GLT1D1: variants seen among roughly 807,000 people sequenced by gnomAD.
The protein encoded by GLT1D1 is glycosyltransferase 1 domain-containing protein 1.
In GLT1D1, 21 loss-of-function variants were observed where a neutral mutation model predicts 28.7. That is an observed-to-expected ratio of 0.73 (90% CI 0.52 to 1.05). The LOEUF (loss-of-function observed/expected upper bound fraction) is 1.05. Among genes scored for constraint, GLT1D1 ranks in the 50% least tolerant of loss-of-function variants. GLT1D1 has a pLI of 0.00. For missense variants in GLT1D1, 343 were observed against 330.6 expected, an observed-to-expected ratio of 1.04 and a Z score of -0.29; for synonymous variants, 147 against 124.8, an observed-to-expected ratio of 1.18 and a Z score of -1.19.
chr12:128,960,498 C>T (rs1482937668), intron 7 of GLT1D1, among the ~76,000 whole-genome samples: 1 of 152,118 alleles, frequency 6.6e-6, no homozygotes. Flanking sequence ...TGGCTCGTGC[C>T]TGTAATCCCA....
At chr12:128,956,299 C>T (rs1460052528) in intron 6 of GLT1D1, among the ~76,000 whole-genome samples, 2 of 151,986 alleles carry the variant, frequency 1.3e-5, no homozygotes, top group African/African-American at 2.4e-5. Flanking sequence ...CATTTGCCTA[C>T]AGTTGGGCAA....
intron 1 of GLT1D1, among the ~76,000 whole-genome samples, chr12:128,869,737 T>C (rs756139966): frequency 4.6e-5 from 7 of 152,192 alleles, no homozygotes; most frequent in Non-Finnish European, 1.0e-4. Flanking sequence ...TATGGGGGCC[T>C]GACCCTGCAG....
intron 4 of GLT1D1, among the ~76,000 whole-genome samples, chr12:128,920,661 G>A (rs943143952): frequency 1.3e-5 from 2 of 152,166 alleles, no homozygotes; most frequent in Non-Finnish European, 2.9e-5. Context: ...TCCTGAGCCC[G>A]CTCATGACTC....
chr12:128,907,080 T>G lies in GLT1D1; in HGVS notation c.375+7793T>G, dbSNP rs914116182. 4.1e-5 allele frequency: 27 copies of G among 652,692 alleles called. 1 individual carries two copies. The Admixed American group carries it at 6.2e-4, about 15-fold the overall frequency. 40.4% of individuals were successfully genotyped at this position (652,692 alleles called of 1,614,324 possible). On this transcript the variant is annotated intron_variant, in intron 4 of 7. Transcript: ENST00000281703. ...TGAGCTACTTATTACTTCTCCCTCT[T>G]CCTGCATGGCCCCATTGCTTTATGT...
intron 4 of GLT1D1, among the ~76,000 whole-genome samples, chr12:128,937,684 A>G (rs1324026719): frequency 6.6e-6 from 1 of 152,022 alleles, no homozygotes; most frequent in Non-Finnish European, 1.5e-5. Context: ...CATGGGAGGT[A>G]GTTTAATCAT....
intron 4 of GLT1D1, among the ~76,000 whole-genome samples, chr12:128,905,837 T>C (rs1436873423): frequency 6.6e-6 from 1 of 151,802 alleles, no homozygotes; most frequent in African/African-American, 2.4e-5. Flanking sequence ...TGTTTTTTTT[T>C]TTTCTTTATT....
At chr12:128,929,244 T>C (rs750009555) in intron 4 of GLT1D1, among the ~76,000 whole-genome samples, 10 of 152,220 alleles carry the variant, frequency 6.6e-5, no homozygotes, top group South Asian at 2.1e-4. Flanking sequence ...CTCTGCTTTA[T>C]GGTATTTTGC....
At chr12:128,941,825 C>G (rs1875296089) in intron 4 of GLT1D1, among the ~76,000 whole-genome samples, 1 of 151,608 alleles carries the variant, frequency 6.6e-6, no homozygotes, top group Non-Finnish European at 1.5e-5. Flanking sequence ...ATGATCCCCC[C>G]TCCTCAGCCT....
At chr12:128,881,123 T>C (rs1235381415) in intron 2 of GLT1D1, among the ~76,000 whole-genome samples, 6 of 147,542 alleles carry the variant, frequency 4.1e-5, no homozygotes, top group South Asian at 2.2e-4. Flanking sequence ...ACTGGGGAGG[T>C]TGAGGAAGGC....
At chr12:128,873,496 G>A (rs1017951685) in intron 1 of GLT1D1, among the ~76,000 whole-genome samples, 22 of 152,162 alleles carry the variant, frequency 1.4e-4, no homozygotes, top group Admixed American at 1.2e-3. Flanking sequence ...CTGGGTGCAT[G>A]CTTTTGCACA....
chr12:128,961,269 A>C lies in GLT1D1; in HGVS notation c.639+3626A>C, dbSNP rs1053680094. Among the ~76,000 whole-genome samples, 5 of 152,344 alleles carry C rather than the reference A, an allele frequency of 3.3e-5. No individual in the cohort carries two copies. In the South Asian group the frequency reaches 8.3e-4, roughly 25 times the overall value. On this transcript the variant is annotated intron_variant, in intron 7 of 7. Transcript: ENST00000281703. ...GTTGTCTGCAAGCTGGAGATGCAGG[A>C]AAGCCAGTGGTGCAATTCAGTCCGA...
intron 4 of GLT1D1, among the ~76,000 whole-genome samples, chr12:128,914,156 T>A (rs1433593691): frequency 2.6e-5 from 4 of 152,194 alleles, no homozygotes; most frequent in African/African-American, 7.2e-5. Flanking sequence ...TAGTCATTTT[T>A]TTTTTCAGCA....
chr12:128,909,041 T>G (rs1459515386), intron 4 of GLT1D1, among the ~76,000 whole-genome samples: 1 of 152,188 alleles, frequency 6.6e-6, no homozygotes, highest in Non-Finnish European at 1.5e-5. Flanking sequence ...GCAGCTAGTC[T>G]CCCGTTTCTG....
intron 7 of GLT1D1, among the ~76,000 whole-genome samples, chr12:128,970,201 A>T (rs1416625988): frequency 6.6e-6 from 1 of 152,062 alleles, no homozygotes; most frequent in African/African-American, 2.4e-5. Flanking sequence ...CTGCAGCCTT[A>T]GGGGTAATGC....
intron 1 of GLT1D1, among the ~76,000 whole-genome samples, chr12:128,873,882 CCT>C (rs34833453): frequency 1.1e-5 from 1 of 92,392 alleles, no homozygotes; most frequent in Non-Finnish European, 2.0e-5. Context: ...TTCCTTCCTT[CCT>C]CTCTCTTGCT....
chr12:128,876,285 A>T (rs900712014), intron 2 of GLT1D1, among the ~76,000 whole-genome samples: 3 of 152,142 alleles, frequency 2.0e-5, no homozygotes, highest in Non-Finnish European at 4.4e-5. Context: ...TATTAAAAGT[A>T]TCATCCTTAA....
chr12:128,919,014 G>T (rs1786179623), intron 4 of GLT1D1, among the ~76,000 whole-genome samples: 1 of 152,228 alleles, frequency 6.6e-6, no homozygotes, highest in South Asian at 2.1e-4. Flanking sequence ...AGAGAGACTG[G>T]TTGTGGCTCT....
At chr12:128,944,512 G>C (rs1593169476) in intron 4 of GLT1D1, 1 of 967,162 alleles carries the variant, frequency 1.0e-6, no homozygotes, top group East Asian at 2.4e-5. Context: ...AATGCCCACA[G>C]TTGTGGGAGG....
intron 1 of GLT1D1, 43 bp from the exon 2 acceptor site, chr12:128,875,871 A>C: frequency 6.3e-7 from 1 of 1,577,534 alleles, no homozygotes; most frequent in African/African-American, 1.4e-5. Flanking sequence ...ACATATTAAC[A>C]TTTTCCCCTC....
Sources: gnomAD v4.1 joint callset for allele counts (sites outside exome capture counted in the v4.1 genomes callset) on GRCh38, gnomAD v4.1.1 for gene constraint, MANE v1.5 for transcripts, NCBI Gene and HGNC (gene_info 2026-07-23, HGNC 2026-07-21) for gene names.